RNF220: variants seen among roughly 807,000 people sequenced by gnomAD.
The protein encoded by RNF220 is E3 ubiquitin-protein ligase RNF220.
In RNF220, 7 loss-of-function variants were observed where a neutral mutation model predicts 67.1. That is an observed-to-expected ratio of 0.10 (90% confidence interval 0.06 to 0.20). The LOEUF (loss-of-function observed/expected upper bound fraction) is 0.20, where lower values mean the gene tolerates loss of function less well. RNF220 is among the 10% of genes least tolerant of loss of function. The pLI is 1.00. For synonymous variants in RNF220, 270 were observed against 283.2 expected, an observed-to-expected ratio of 0.95 and a Z score of 0.47; for missense variants, 565 against 740.3, an observed-to-expected ratio of 0.76 and a Z score of 2.75.
chr1:44,501,386 G>T (rs916751362), intron 2 of RNF220, among the ~76,000 whole-genome samples: 2 of 151,814 alleles, frequency 1.3e-5, no homozygotes, highest in South Asian at 4.2e-4. Context: ...GGGGGAGGGG[G>T]TGGATTCTGC....
chr1:44,556,679 T>C lies in RNF220; in HGVS notation c.626-57486T>C, dbSNP rs1280986929. 5.7e-3 allele frequency among the ~76,000 whole-genome samples: 867 copies of C among 151,416 alleles called. 11 individuals are homozygous for C. Among genetic ancestry groups the C allele is most frequent in the African/African-American group, 0.021 (843 of 41,008 alleles). On this transcript the variant is annotated intron_variant, in intron 2 of 14. Coordinates refer to ENST00000361799, the MANE Select transcript of RNF220 (RefSeq NM_018150.4). The stretch of plus-strand genomic sequence containing the variant: ...GGTTCATGCCATTCTCCTGCCTCAG[T>C]CTCCCTAGTAGCTGGGACTACAGGC...
At chr1:44,498,548 G>T (rs750807175) in intron 2 of RNF220, among the ~76,000 whole-genome samples, 1 of 152,076 alleles carries the variant, frequency 6.6e-6, no homozygotes, top group Non-Finnish European at 1.5e-5. Flanking sequence ...ATTCTGGAGC[G>T]CAGGCTCACA....
chr1:44,591,745 A>G (rs1245363656), intron 2 of RNF220, among the ~76,000 whole-genome samples: 1 of 152,208 alleles, frequency 6.6e-6, no homozygotes, highest in Admixed American at 6.5e-5. Flanking sequence ...ACTCACCTTT[A>G]GAGCCTGGAC....
chr1:44,578,183 CT>C (rs1158240565), intron 2 of RNF220, among the ~76,000 whole-genome samples: 1 of 130,176 alleles, frequency 7.7e-6, no homozygotes, highest in East Asian at 2.3e-4. Context: ...GAGTCGTGCT[CT>C]GTCTCCCAGC....
chr1:44,533,999 A>C (rs1434128619), intron 2 of RNF220, among the ~76,000 whole-genome samples: 1 of 152,190 alleles, frequency 6.6e-6, no homozygotes. Context: ...TTATTGAGAC[A>C]GACTCTTGCT....
At chr1:44,543,229 C>G (rs983478335) in intron 2 of RNF220, among the ~76,000 whole-genome samples, 1 of 152,168 alleles carries the variant, frequency 6.6e-6, no homozygotes, top group African/African-American at 2.4e-5. Context: ...CGGCTACCCC[C>G]TCCCCCTTCC....
Position 44,651,668 on chromosome 1 carries a change from T to G in RNF220, c.*893T>G, listed in dbSNP as rs1644788719. 6.6e-6 allele frequency: 1 copy of G among 152,360 alleles called. No individual in the cohort carries two copies. Among genetic ancestry groups the G allele is most frequent in the African/African-American group, 2.4e-5 (1 of 41,450 alleles). The allele number at this position is 152,360 out of a possible 1,614,324, so 9.4% of individuals were successfully genotyped here. On this transcript the variant is annotated 3_prime_UTR_variant, in exon 15 of 15. Coordinates refer to ENST00000361799, the MANE Select transcript of RNF220 (RefSeq NM_018150.4). ...GTCTGTATATTCTATACAAAGGTAC[T>G]TGTCCTTTCCCTTTGTAAACTACAT...
Position 44,473,306 on chromosome 1 carries a change from A to G in RNF220, c.625+60584A>G, listed in dbSNP as rs1043880805. Among the ~76,000 whole-genome samples, 38 of 152,058 alleles carry G rather than the reference A, an allele frequency of 2.5e-4. 1 individual carries two copies. Among genetic ancestry groups the G allele is most frequent in the Admixed American group, 2.0e-4 (3 of 15,252 alleles). The stretch of plus-strand genomic sequence containing the variant: ...GTAAAAGCATCGTTAGGAAGTGGGA[A>G]CCATGCCTTTAATTCTTATGACATA... On this transcript the variant is annotated intron_variant, in intron 2 of 14. Coordinates refer to ENST00000361799, the MANE Select transcript of RNF220 (RefSeq NM_018150.4).
At chr1:44,631,956 G>A (rs1259283556) in intron 5 of RNF220, 3 of 993,076 alleles carry the variant, frequency 3.0e-6, no homozygotes, top group Non-Finnish European at 3.6e-6. Flanking sequence ...GACGGCGGCA[G>A]ATCACGTGAT....
At chr1:44,459,442 AC>A (rs894818688) in intron 2 of RNF220, among the ~76,000 whole-genome samples, 2 of 149,848 alleles carry the variant, frequency 1.3e-5, no homozygotes, top group African/African-American at 2.5e-5. Flanking sequence ...CTCACACAGA[AC>A]CCCCCCTAAT....
In RNF220 at chr1:44,600,596, G is replaced by A. The variant is rs1666854308; in HGVS notation, c.626-13569G>A. ...AGCACTTTGGGAGGCCGAGGTGGAT[G>A]GATCACCTGAGGTCAGGAGTTGGAG... On this transcript the variant is annotated intron_variant, in intron 2 of 14. Coordinates refer to ENST00000361799, the MANE Select transcript of RNF220 (RefSeq NM_018150.4). This position sits in a 1 kb window ranked among gnomAD's most constrained non-coding sequence, Gnocchi z 4.0. 6.6e-6 allele frequency among the ~76,000 whole-genome samples: 1 copy of A among 152,120 alleles called. No individual in the cohort carries two copies. Among genetic ancestry groups the A allele is most frequent in the South Asian group, 2.1e-4 (1 of 4,820 alleles).
intron 2 of RNF220, among the ~76,000 whole-genome samples, chr1:44,531,917 A>G (rs1181115632): frequency 6.6e-6 from 1 of 152,218 alleles, no homozygotes; most frequent in Non-Finnish European, 1.5e-5. Context: ...CATAGGGGAC[A>G]TACAAGAATC....
chr1:44,556,594 C>A (rs1209317621), intron 2 of RNF220, among the ~76,000 whole-genome samples: 2 of 148,240 alleles, frequency 1.3e-5, no homozygotes, highest in Non-Finnish European at 3.0e-5. Flanking sequence ...GAGTCTGGCT[C>A]TGTCACCCAG....
chr1:44,530,435 CATTT>C lies in RNF220; in HGVS notation c.626-83728_626-83725del, dbSNP rs138107988. 3.4e-3 allele frequency among the ~76,000 whole-genome samples: 517 copies of C among 150,994 alleles called. 3 individuals are homozygous for C. The highest frequency in any genetic ancestry group is 0.012 in the African/African-American group (487 of 41,090). On this transcript the variant is annotated intron_variant, in intron 2 of 14. Coordinates refer to ENST00000361799, the MANE Select transcript of RNF220 (RefSeq NM_018150.4). ...CAGATGTACAAAAAGGACATCTCGT[CATTT>C]ACTGAGGAAGTTTCAACATTTTTAC...
At chr1:44,601,974 G>A (rs2148400460) in intron 2 of RNF220, among the ~76,000 whole-genome samples, 1 of 152,278 alleles carries the variant, frequency 6.6e-6, no homozygotes, top group East Asian at 1.9e-4. Context: ...TGTTGAAGGT[G>A]CACAAGGGAC....
At chr1:44,638,621 G>A (rs781011846) in intron 8 of RNF220, among the ~76,000 whole-genome samples, 6 of 152,138 alleles carry the variant, frequency 3.9e-5, no homozygotes, top group Non-Finnish European at 7.3e-5. Context: ...GGATCAGATC[G>A]GTTACCTCAA....
intron 2 of RNF220, among the ~76,000 whole-genome samples, chr1:44,485,804 G>A (rs923326938): frequency 6.6e-6 from 1 of 152,168 alleles, no homozygotes; most frequent in Non-Finnish European, 1.5e-5. Flanking sequence ...AATTACATGG[G>A]AGTTAGCATA....
intron 2 of RNF220, among the ~76,000 whole-genome samples, chr1:44,432,326 A>G (rs1448291084): frequency 6.6e-6 from 1 of 152,048 alleles, no homozygotes; most frequent in East Asian, 1.9e-4. Context: ...GCTGGAGTGC[A>G]ATGGCGCGAT....
intron 2 of RNF220, among the ~76,000 whole-genome samples, chr1:44,448,507 C>T (rs1652335522): frequency 6.6e-6 from 1 of 152,234 alleles, no homozygotes; most frequent in Non-Finnish European, 1.5e-5. Context: ...CAAGCTGCAA[C>T]TTTCTGATGC....
Sources: allele counts gnomAD v4.1 joint callset (sites outside exome capture counted in the v4.1 genomes callset), GRCh38; gene constraint gnomAD v4.1.1; non-coding constraint Gnocchi (gnomAD v3.1); transcripts MANE v1.5; gene names NCBI Gene and HGNC (gene_info 2026-07-23, HGNC 2026-07-21).